The following DNAJC6 variants were observed in gnomAD, a reference collection of about 807,000 sequenced individuals.
The protein encoded by DNAJC6 is auxilin.
DNAJC6 carries 34 observed loss-of-function variants against 110.0 expected under a neutral mutation model. The observed-to-expected ratio is 0.31, with a 90% CI of 0.24 to 0.41. The LOEUF (loss-of-function observed/expected upper bound fraction) is 0.41, where lower values mean the gene tolerates loss of function less well. Ranked by LOEUF, DNAJC6 falls within the 10% of genes least tolerant of loss-of-function variation. The probability of loss-of-function intolerance (pLI) is 1.00; values close to 1 mark genes in which losing one functional copy is unlikely to be tolerated. For missense variants in DNAJC6, 1,031 were observed against 1,207.8 expected (o/e 0.85, Z 2.17); for synonymous variants, 406 against 437.2 (o/e 0.93, Z 0.89).
chr1:65,314,649 G>A (rs11208626), intron 1 of DNAJC6, among the ~76,000 whole-genome samples: 9,050 of 152,160 alleles, frequency 0.059, 322 homozygotes, highest in Non-Finnish European at 0.079. Context: ...CCACCAGCCA[G>A]GCTAATTTTT....
chr1:65,337,425 C>T (rs565429189), intron 1 of DNAJC6, among the ~76,000 whole-genome samples: 2 of 151,742 alleles, frequency 1.3e-5, no homozygotes, highest in Admixed American at 6.6e-5. Flanking sequence ...CCTTTATTTA[C>T]CAGTTTTCAA....
At chr1:65,321,726 G>A (rs1475529514) in intron 1 of DNAJC6, among the ~76,000 whole-genome samples, 1 of 152,142 alleles carries the variant, frequency 6.6e-6, no homozygotes, top group East Asian at 1.9e-4. Context: ...TTTGAGAGAA[G>A]GTTCAATTAG....
chr1:65,395,059 A>ATATATT, intron 13 of DNAJC6, 27 bp downstream of exon 13: 1 of 1,561,760 alleles, frequency 6.4e-7, no homozygotes, highest in East Asian at 2.4e-5. Flanking sequence ...TATTGTGTTC[A>ATATATT]GTGGAACATA....
rs530830833 is a variant in DNAJC6 at position 65,375,457 on chromosome 1, G to A, written c.544-3945G>A. On this transcript the variant is annotated intron_variant, in intron 4 of 18. Transcript: ENST00000371069. ...TTTTTTTTTTTGGAGACGGAGTCTC[G>A]CTCTGTCACCCAGGCTGGAGTGCAG... Among the ~76,000 whole-genome samples, 92 of 143,802 alleles carry A rather than the reference G, an allele frequency of 6.4e-4. 1 individual carries two copies. The South Asian group carries it at 0.018, about 27-fold the overall frequency. 94.3% of individuals were successfully genotyped at this position (143,802 alleles called of 152,430 possible). A position where few individuals can be genotyped will look rare whatever the true frequency, so the allele number is the denominator to read the frequency against.
At chr1:65,403,640 A>G (rs1022417389) in intron 15 of DNAJC6, among the ~76,000 whole-genome samples, 1 of 152,242 alleles carries the variant, frequency 6.6e-6, no homozygotes, top group Non-Finnish European at 1.5e-5. Context: ...AAAGCTCCCC[A>G]GGTAATTCTA....
At chr1:65,354,867 AT>A (rs1190393026) in intron 1 of DNAJC6, among the ~76,000 whole-genome samples, 1 of 152,166 alleles carries the variant, frequency 6.6e-6, no homozygotes, top group African/African-American at 2.4e-5. Context: ...CAATTTTTTA[AT>A]TGATTTTTGG....
rs567337345 is a variant in DNAJC6 at position 65,286,483 on chromosome 1, G to A, written c.-131+21551G>A. On this transcript the variant is annotated intron_variant, in intron 1 of 19. Transcript: ENST00000263441. ...GTTGGTCTTGAACTCCTGGGCTCAA[G>A]CAGTCCTCCTGCTTCAGCCTCCTAA... is the stretch of plus-strand genomic sequence containing the variant. Among the ~76,000 whole-genome samples the A allele has an allele frequency of 5.3e-5, 8 of 152,292 alleles. No individual in the cohort carries two copies. In the South Asian group the frequency reaches 6.2e-4, roughly 12 times the overall value.
chr1:65,364,858 T>C (rs532253679), intron 2 of DNAJC6, 73 bp downstream of exon 2: 3 of 1,566,726 alleles, frequency 1.9e-6, no homozygotes, highest in Non-Finnish European at 2.6e-6. Flanking sequence ...GCTGACTGCT[T>C]GTCTGGCTCA....
intron 1 of DNAJC6, among the ~76,000 whole-genome samples, chr1:65,353,904 A>G (rs1645516047): frequency 6.6e-6 from 1 of 152,048 alleles, no homozygotes; most frequent in Admixed American, 6.5e-5. Flanking sequence ...ATCTAGTCAT[A>G]TTTGCTACCT....
chr1:65,316,006 CA>C (rs1429126377), intron 1 of DNAJC6, among the ~76,000 whole-genome samples: 3 of 152,080 alleles, frequency 2.0e-5, no homozygotes, highest in African/African-American at 7.2e-5. Context: ...GAAATGAAAA[CA>C]GCAAAAACAG....
chr1:65,361,939 A>G (rs1645602010), intron 1 of DNAJC6, among the ~76,000 whole-genome samples: 1 of 152,244 alleles, frequency 6.6e-6, no homozygotes, highest in Non-Finnish European at 1.5e-5. Context: ...GTACCAGCAT[A>G]GGTGAATTTT....
intron 1 of DNAJC6, among the ~76,000 whole-genome samples, chr1:65,359,974 CA>C (rs556706153): frequency 3.9e-4 from 60 of 152,182 alleles, no homozygotes; most frequent in Non-Finnish European, 7.5e-4. Flanking sequence ...ACAGACTGTA[CA>C]AAAACAGGCC....
chr1:65,380,911 G>GTTTTT lies in DNAJC6; in HGVS notation c.666+1391_666+1392insTTTTT, dbSNP rs1312055301. Among the ~76,000 whole-genome samples the GTTTTT allele has an allele frequency of 2.3e-4, 27 of 114,910 alleles. 1 individual carries two copies. The highest frequency in any genetic ancestry group is 9.0e-4 in the African/African-American group (21 of 23,266). 75.4% of individuals were successfully genotyped at this position (114,910 alleles called of 152,430 possible). On this transcript the variant is annotated intron_variant, in intron 5 of 18. Transcript: ENST00000371069. ...GGGAGTTTTTTTTTTTTTGTTTTTTGTTTTGTTTTGTTTTTTTTTTTTTTT... is the reference window on the plus strand; with the variant it reads ...GGGAGTTTTTTTTTTTTTGTTTTTTGTTTTTTTTTGTTTTGTTTTTTTTTTTTTTT...
rs529018686 is a variant in DNAJC6 at position 65,292,393 on chromosome 1, T to A, written c.-131+27461T>A. Among the ~76,000 whole-genome samples, 8 of 151,916 alleles carry A rather than the reference T, an allele frequency of 5.3e-5. No individual in the cohort carries two copies. In the South Asian group the frequency reaches 1.7e-3, roughly 32 times the overall value. On this transcript the variant is annotated intron_variant, in intron 1 of 19. Coordinates refer to the DNAJC6 transcript ENST00000263441. ...GTAGAAACTCTGGAAAACACGTTTG[T>A]ATTAATTTAGGTTTTGCTACATAAT...
intron 4 of DNAJC6, among the ~76,000 whole-genome samples, chr1:65,368,886 C>T (rs1645678851): frequency 6.6e-6 from 1 of 151,352 alleles, no homozygotes; most frequent in Non-Finnish European, 1.5e-5. Flanking sequence ...ATTCTTGTAC[C>T]TCAGTCACCC....
chr1:65,344,778 G>T (rs772426244), intron 1 of DNAJC6, among the ~76,000 whole-genome samples: 1 of 152,082 alleles, frequency 6.6e-6, no homozygotes, highest in Non-Finnish European at 1.5e-5. Context: ...AAGGCAGGCA[G>T]AACAGCTAGT....
chr1:65,323,758 C>T (rs530307441), intron 1 of DNAJC6, among the ~76,000 whole-genome samples: 1 of 152,212 alleles, frequency 6.6e-6, no homozygotes, highest in African/African-American at 2.4e-5. Context: ...CCATGCCCAG[C>T]TAATTTTTAA....
chr1:65,335,083 C>T (rs1442578363), intron 1 of DNAJC6, among the ~76,000 whole-genome samples: 1 of 151,488 alleles, frequency 6.6e-6, no homozygotes, highest in East Asian at 1.9e-4. Context: ...GTACAAATAA[C>T]AGTGATCAAA....
chr1:65,379,107 A>C (rs1357950871), intron 4 of DNAJC6, among the ~76,000 whole-genome samples: 1 of 152,224 alleles, frequency 6.6e-6, no homozygotes, highest in Non-Finnish European at 1.5e-5. Flanking sequence ...ATGAAATTCT[A>C]TGTAACCTCA....
Sources: allele counts gnomAD v4.1 joint callset (sites outside exome capture counted in the v4.1 genomes callset), GRCh38; gene constraint gnomAD v4.1.1; transcripts MANE v1.5; gene names NCBI Gene and HGNC (gene_info 2026-07-23, HGNC 2026-07-21).